Variants in GALNT9 observed in about 807,000 individuals in gnomAD.
The protein encoded by GALNT9 is polypeptide N-acetylgalactosaminyltransferase 9, also known as GalNAc transferase 9.
Under a neutral mutation model 63.1 loss-of-function variants are expected in GALNT9, and 47 were observed. The ratio of observed to expected loss-of-function variants is 0.75; its 90% CI spans 0.59 to 0.95. The LOEUF (loss-of-function observed/expected upper bound fraction) is 0.95. Among genes scored for constraint, GALNT9 ranks in the 40% least tolerant of loss-of-function variants. GALNT9 has a pLI of 0.00. For missense variants in GALNT9, 829 were observed against 874.8 expected, an observed-to-expected ratio of 0.95 and a Z score of 0.66; for synonymous variants, 396 against 365.7, an observed-to-expected ratio of 1.08 and a Z score of -0.94.
chr12:132,211,504 C>G (rs1441121332), intron 6 of GALNT9, among the ~76,000 whole-genome samples: 1 of 152,148 alleles, frequency 6.6e-6, no homozygotes, highest in East Asian at 1.9e-4. Flanking sequence ...TCTATTCGGT[C>G]AAACCACATG....
At chr12:132,204,953 C>G (rs1204021409) in intron 6 of GALNT9, among the ~76,000 whole-genome samples, 1 of 152,060 alleles carries the variant, frequency 6.6e-6, no homozygotes, top group African/African-American at 2.4e-5. Flanking sequence ...CCCCACCACC[C>G]GAGAAAGGGT....
At chr12:132,214,069 G>A (rs561437455) in intron 6 of GALNT9, among the ~76,000 whole-genome samples, 2 of 152,342 alleles carry the variant, frequency 1.3e-5, no homozygotes, top group Admixed American at 1.3e-4. Flanking sequence ...CCTCCCAGGT[G>A]AAAGCCGGGA....
chr12:132,228,003 T>C (rs1877759916), intron 6 of GALNT9, among the ~76,000 whole-genome samples: 1 of 151,988 alleles, frequency 6.6e-6, no homozygotes, highest in African/African-American at 2.4e-5. Flanking sequence ...GGCAGGTGAG[T>C]GGCCCGTCTT....
chr12:132,243,627 A>G (rs1041861264), intron 6 of GALNT9, among the ~76,000 whole-genome samples: 3 of 151,526 alleles, frequency 2.0e-5, no homozygotes, highest in African/African-American at 7.3e-5. Context: ...CATCCCCTCA[A>G]ACTGCTTCTG....
intron 6 of GALNT9, among the ~76,000 whole-genome samples, chr12:132,224,645 A>C (rs1877575298): frequency 8.3e-6 from 1 of 121,128 alleles, no homozygotes; most frequent in South Asian, 2.9e-4. Flanking sequence ...ACCCCAGCGT[A>C]CATACACACC....
At chr12:132,227,311 C>T (rs981252389) in intron 6 of GALNT9, among the ~76,000 whole-genome samples, 5,943 of 152,222 alleles carry the variant, frequency 0.039, 140 homozygotes, top group South Asian at 0.076. Flanking sequence ...CGTCCCCGAA[C>T]GCGTGTGGGG....
At chr12:132,228,236 C>T (rs1307432196) in intron 6 of GALNT9, among the ~76,000 whole-genome samples, 1 of 151,996 alleles carries the variant, frequency 6.6e-6, no homozygotes, top group Non-Finnish European at 1.5e-5. Context: ...CCCCGCGTCC[C>T]TCCCCGGCGT....
chr12:132,299,368 C>A (rs537303120), intron 1 of GALNT9, among the ~76,000 whole-genome samples: 1 of 135,852 alleles, frequency 7.4e-6, no homozygotes, highest in African/African-American at 2.8e-5. Context: ...TGATAACTAA[C>A]CCACTCCCAC....
rs1221111123 is a variant in GALNT9, at chr12:132,327,030, C to T, written c.238+1936G>A. On this transcript the variant is annotated intron_variant, in intron 1 of 10. Transcript: ENST00000328957. This position sits in a 1 kb window ranked among gnomAD's most constrained non-coding sequence, Gnocchi z 4.3. Reference sequence around the variant, plus strand: ...GACACTGTGCCTGGCCTGCTGGTCACAGAGAGGAACGCAGCACAGCCTCAT... The same window carrying T: ...GACACTGTGCCTGGCCTGCTGGTCATAGAGAGGAACGCAGCACAGCCTCAT... Among the ~76,000 whole-genome samples the T allele has an allele frequency of 6.6e-6, 1 of 152,112 alleles. No individual in the cohort carries two copies. The highest frequency in any genetic ancestry group is 2.4e-5 in the African/African-American group (1 of 41,418).
chr12:132,202,543 G>C (rs185718848), intron 7 of GALNT9, among the ~76,000 whole-genome samples: 10 of 152,352 alleles, frequency 6.6e-5, no homozygotes, highest in Non-Finnish European at 2.9e-5. Context: ...TTAAGAAGTA[G>C]TAATATTGTA....
intron 6 of GALNT9, among the ~76,000 whole-genome samples, chr12:132,209,374 ATAAATAAAT>A (rs745830195): frequency 0.018 from 2,710 of 148,066 alleles, 86 homozygotes; most frequent in African/African-American, 0.069. Flanking sequence ...AAAAAAATAA[ATAAATAAAT>A]AAATAAAAAA....
At chr12:132,206,796 C>T (rs1470155147) in intron 6 of GALNT9, among the ~76,000 whole-genome samples, 1 of 152,160 alleles carries the variant, frequency 6.6e-6, no homozygotes, top group Non-Finnish European at 1.5e-5. Flanking sequence ...GTGGAGATGG[C>T]GGCTGACCTG....
intron 6 of GALNT9, among the ~76,000 whole-genome samples, chr12:132,205,146 A>C (rs1876578754): frequency 6.6e-6 from 1 of 151,922 alleles, no homozygotes; most frequent in Admixed American, 6.5e-5. Context: ...CCGTTATCTT[A>C]ATCATGTCTG....
chr12:132,325,118 G>T (rs1289346356), intron 1 of GALNT9, among the ~76,000 whole-genome samples: 4 of 152,250 alleles, frequency 2.6e-5, no homozygotes, highest in Non-Finnish European at 5.9e-5. Flanking sequence ...CCCGGCTCAG[G>T]CCTCCCTGGG....
chr12:132,220,586 G>A (rs2135519818), intron 6 of GALNT9, among the ~76,000 whole-genome samples: 1 of 152,358 alleles, frequency 6.6e-6, no homozygotes, highest in East Asian at 1.9e-4. Flanking sequence ...TGTGGCTGAA[G>A]AGAGGACTTG....
rs555370479 is a variant in GALNT9, at chr12:132,268,119, CCA to C, written c.420-5496_420-5495del. Reference sequence around the variant, plus strand: ...CACACGCGCACTCACACACACAAACCCACACACACACTCACGCTCACACACAC... The same window carrying C: ...CACACGCGCACTCACACACACAAACCCACACACACTCACGCTCACACACAC... On this transcript the variant is annotated intron_variant, in intron 2 of 10. Coordinates refer to ENST00000328957, the MANE Select transcript of GALNT9 (RefSeq NM_001122636.2). 5.3e-3 allele frequency among the ~76,000 whole-genome samples: 746 copies of C among 141,502 alleles called. 5 individuals are homozygous for C. Among genetic ancestry groups the C allele is most frequent in the African/African-American group, 0.019 (639 of 34,040 alleles). The allele number at this position is 141,502 out of a possible 152,430, so 92.8% of individuals were successfully genotyped here.
chr12:132,207,506 C>G (rs1160783160), intron 6 of GALNT9, among the ~76,000 whole-genome samples: 1 of 152,224 alleles, frequency 6.6e-6, no homozygotes, highest in Admixed American at 6.5e-5. Flanking sequence ...GTGCCAGCCC[C>G]GTCAGTGTGT....
At chr12:132,224,907 GTATA>G (rs1289811409) in intron 6 of GALNT9, among the ~76,000 whole-genome samples, 11 of 127,722 alleles carry the variant, frequency 8.6e-5, no homozygotes, top group Non-Finnish European at 1.6e-4. Flanking sequence ...TGCACACACT[GTATA>G]TACACGTGCC....
At chr12:132,201,776 G>A (rs1216525089) in intron 7 of GALNT9, among the ~76,000 whole-genome samples, 2 of 152,204 alleles carry the variant, frequency 1.3e-5, no homozygotes, top group Admixed American at 1.3e-4. Flanking sequence ...ACACCTGAGA[G>A]CTTGTACCTG....
Sources: allele counts gnomAD v4.1 joint callset (sites outside exome capture counted in the v4.1 genomes callset), GRCh38; gene constraint gnomAD v4.1.1; non-coding constraint Gnocchi (gnomAD v3.1); transcripts MANE v1.5; gene names NCBI Gene and HGNC (gene_info 2026-07-23, HGNC 2026-07-21).